Variants in PTPRT observed in about 807,000 individuals in gnomAD.
PTPRT encodes the protein receptor-type tyrosine-protein phosphatase T.
A neutral mutation model predicts 176.8 loss-of-function variants in PTPRT; 56 were observed. The ratio of observed to expected loss-of-function variants is 0.32; its 90% CI spans 0.26 to 0.40. The LOEUF (loss-of-function observed/expected upper bound fraction) is 0.40. Ranked by LOEUF, PTPRT falls within the 10% of genes least tolerant of loss-of-function variation. The pLI is 1.00. For missense variants in PTPRT, 1,540 were observed against 1,908.2 expected, an observed-to-expected ratio of 0.81 and a Z score of 3.60; for synonymous variants, 783 against 739.0, an observed-to-expected ratio of 1.06 and a Z score of -0.96.
chr20:43,016,806 G>A (rs1178868380), intron 1 of PTPRT, among the ~76,000 whole-genome samples: 1 of 151,510 alleles, frequency 6.6e-6, no homozygotes, highest in Non-Finnish European at 1.5e-5. Context: ...CAAAGTGCTG[G>A]GACTGCAGGC....
intron 1 of PTPRT, among the ~76,000 whole-genome samples, chr20:42,894,675 G>T (rs2079262126): frequency 6.6e-6 from 1 of 152,200 alleles, no homozygotes; most frequent in Admixed American, 6.5e-5. Flanking sequence ...AAAGGAACCT[G>T]TTGAGGGAAA....
At chr20:42,055,820 A>G in the PTPRT span, among the ~76,000 whole-genome samples, 1,823 of 152,316 alleles carry the variant, frequency 0.012, 26 homozygotes, top group African/African-American at 0.041. Context: ...CTGGTCTGGA[A>G]CAGGTGCCTG....
intron 12 of PTPRT, among the ~76,000 whole-genome samples, chr20:42,294,872 G>A (rs550353738): frequency 6.6e-6 from 1 of 151,998 alleles, no homozygotes; most frequent in Non-Finnish European, 1.5e-5. Context: ...ATTACCAGAT[G>A]TCAAAAACAG....
chr20:42,363,366 A>G (rs1353991606), intron 9 of PTPRT, among the ~76,000 whole-genome samples: 2 of 121,022 alleles, frequency 1.7e-5, no homozygotes, highest in Non-Finnish European at 3.2e-5. Flanking sequence ...GCTGGAGTGC[A>G]GTGGTGTGAT....
chr20:42,244,116 TG>T (rs2146894375), intron 14 of PTPRT, among the ~76,000 whole-genome samples: 1 of 152,328 alleles, frequency 6.6e-6, no homozygotes, highest in African/African-American at 2.4e-5. Flanking sequence ...CCCATAAAAC[TG>T]GCTACCTTTC....
At chr20:42,133,753 G>A (rs900277107) in intron 18 of PTPRT, among the ~76,000 whole-genome samples, 4 of 152,208 alleles carry the variant, frequency 2.6e-5, no homozygotes, top group African/African-American at 9.6e-5. Context: ...AATGCAAGAT[G>A]TTAATAATAG....
chr20:42,116,038 C>T, intron 21 of PTPRT: 1 of 722,796 alleles, frequency 1.4e-6, no homozygotes, highest in Non-Finnish European at 2.6e-6. Context: ...AGCATGATTA[C>T]CATTCCGGGG....
intron 1 of PTPRT, among the ~76,000 whole-genome samples, chr20:42,998,198 C>A (rs1984335383): frequency 1.3e-5 from 2 of 152,142 alleles, no homozygotes; most frequent in African/African-American, 4.8e-5. Flanking sequence ...CTCTCTGGAC[C>A]AAAGCAGGAA....
chr20:43,187,937 G>A (rs1379111586), intron 1 of PTPRT, among the ~76,000 whole-genome samples: 1 of 152,234 alleles, frequency 6.6e-6, no homozygotes, highest in African/African-American at 2.4e-5. Flanking sequence ...CCTGGCGGGA[G>A]CATCCGGAAC....
chr20:42,399,405 C>T (rs80256466), intron 9 of PTPRT, among the ~76,000 whole-genome samples: 1 of 152,240 alleles, frequency 6.6e-6, no homozygotes, highest in East Asian at 1.9e-4. Flanking sequence ...ATATGAGAAG[C>T]CACCCTTAGT....
intron 7 of PTPRT, among the ~76,000 whole-genome samples, chr20:42,663,019 T>C (rs1201364942): frequency 6.6e-6 from 1 of 152,100 alleles, no homozygotes; most frequent in African/African-American, 2.4e-5. Context: ...TATACATGAA[T>C]ATATATACAT....
chr20:42,927,422 C>T (rs1050693168), intron 1 of PTPRT, among the ~76,000 whole-genome samples: 4 of 152,096 alleles, frequency 2.6e-5, no homozygotes, highest in African/African-American at 9.7e-5. Context: ...ATTAGACAGG[C>T]GTAGTGGCGC....
chr20:42,480,903 G>T (rs1004066707), intron 7 of PTPRT, among the ~76,000 whole-genome samples: 1 of 152,100 alleles, frequency 6.6e-6, no homozygotes, highest in African/African-American at 2.4e-5. Context: ...TTAGCAAATG[G>T]GCACAAAACA....
chr20:42,554,296 TA>T (rs1313466713), intron 7 of PTPRT, among the ~76,000 whole-genome samples: 17 of 151,822 alleles, frequency 1.1e-4, no homozygotes, highest in African/African-American at 2.7e-4. Context: ...CTGAAATTCT[TA>T]AAAAAAAATT....
chr20:42,080,750 A>G lies in PTPRT; in HGVS notation c.*129T>C, dbSNP rs1373073319. 2 of 882,180 alleles carry G rather than the reference A, an allele frequency of 2.3e-6. No homozygotes were observed. Among genetic ancestry groups the G allele is most frequent in the Non-Finnish European group, 3.6e-6 (2 of 554,414 alleles). 54.6% of individuals were successfully genotyped at this position (882,180 alleles called of 1,614,324 possible). On this transcript the variant is annotated 3_prime_UTR_variant, in exon 31 of 31. Coordinates refer to ENST00000373187, the MANE Select transcript of PTPRT (RefSeq NM_007050.6). The stretch of plus-strand genomic sequence containing the variant: ...AGAGCCCCCCGTGGAACACAGGGCC[A>G]CCAGTCTTCTCCTTGGAGTCAGGCA...
At chr20:42,587,319 C>A (rs2073488982) in intron 7 of PTPRT, among the ~76,000 whole-genome samples, 1 of 152,258 alleles carries the variant, frequency 6.6e-6, no homozygotes. Flanking sequence ...CCAGCATTTA[C>A]AGACACATTG....
chr20:42,795,184 TA>T (rs11477579), intron 2 of PTPRT, among the ~76,000 whole-genome samples: 63,258 of 148,874 alleles, frequency 0.42, 15,205 homozygotes, highest in Non-Finnish European at 0.54. Context: ...CCTTCTCCCT[TA>T]AAAAAAAAAA....
chr20:42,800,160 G>T lies in PTPRT; in HGVS notation c.215-8694C>A, dbSNP rs573326371. On this transcript the variant is annotated intron_variant, in intron 2 of 30. Coordinates refer to ENST00000373187, the MANE Select transcript of PTPRT (RefSeq NM_007050.6). ...TGACTACTATCATTCTTCTTTTACAGTTGGGAAAACTGAGAAACAGAGAGC... is the reference window on the plus strand; with the variant it reads ...TGACTACTATCATTCTTCTTTTACATTTGGGAAAACTGAGAAACAGAGAGC... Among the ~76,000 whole-genome samples, 16 of 152,244 alleles carry T rather than the reference G, an allele frequency of 1.1e-4. No individual in the cohort carries two copies. In the South Asian group the frequency reaches 3.1e-3, roughly 30 times the overall value.
chr20:42,090,711 G>A (rs1437759702), intron 27 of PTPRT, among the ~76,000 whole-genome samples: 1 of 152,190 alleles, frequency 6.6e-6, no homozygotes, highest in Non-Finnish European at 1.5e-5. Context: ...CCTGGGGAGG[G>A]AAAGCTTATG....
Sources: gnomAD v4.1 joint callset for allele counts (sites outside exome capture counted in the v4.1 genomes callset) on GRCh38, gnomAD v4.1.1 for gene constraint, MANE v1.5 for transcripts, NCBI Gene and HGNC (gene_info 2026-07-23, HGNC 2026-07-21) for gene names.